PIP: variants seen among roughly 807,000 people sequenced by gnomAD.
The protein encoded by PIP is prolactin-inducible protein.
PIP carries 9 observed loss-of-function variants against 12.8 expected under a neutral mutation model. The ratio of observed to expected loss-of-function variants is 0.70; its 90% CI spans 0.42 to 1.23. PIP has a LOEUF of 1.23. PIP is among the 50% of genes most tolerant of loss of function. PIP has a pLI of 0.00. For synonymous variants in PIP, 60 were observed against 66.1 expected, an observed-to-expected ratio of 0.91 and a Z score of 0.45; for missense variants, 172 against 179.5, an observed-to-expected ratio of 0.96 and a Z score of 0.24.
Position 143,133,567 on chromosome 7 carries a change from T to C in PIP, c.95+1356T>C, listed in dbSNP as rs143291697. ...CTCCTGGCCCCGAACCCAGTCCTCA[T>C]TGACTGAAGAAGAACATTTGACCAT... is the stretch of plus-strand genomic sequence containing the variant. On this transcript the variant is annotated intron_variant, in intron 1 of 3. Transcript: ENST00000291009. Among the ~76,000 whole-genome samples the C allele has an allele frequency of 1.1e-4, 16 of 152,164 alleles. No homozygotes were observed. The East Asian group carries it at 2.9e-3, about 28-fold the overall frequency.
In PIP at chr7:143,134,183, C is replaced by CACATAT. The variant is rs1799274447; in HGVS notation, c.96-1010_96-1009insCATATA. 1.9e-4 allele frequency among the ~76,000 whole-genome samples: 8 copies of CACATAT among 41,664 alleles called. 1 individual carries two copies. The allele number at this position is 41,664 out of a possible 152,430, so 27.3% of individuals were successfully genotyped here. On this transcript the variant is annotated intron_variant, in intron 1 of 3. Transcript: ENST00000291009. ...TTATGGCTGAGTAGTAGTATTCCAT[C>CACATAT]ATATATATATATATATATATATATA...
At chr7:143,139,363 G>A (rs1799344607) in intron 3 of PIP, among the ~76,000 whole-genome samples, 155 bp from the exon 4 acceptor site, 1 of 152,002 alleles carries the variant, frequency 6.6e-6, no homozygotes, top group African/African-American at 2.4e-5. Flanking sequence ...CAGGTTCTAA[G>A]ACAGAGGCAT....
chr7:143,138,198 C>T (rs1188021802), intron 2 of PIP, among the ~76,000 whole-genome samples: 2 of 152,104 alleles, frequency 1.3e-5, no homozygotes, highest in Non-Finnish European at 2.9e-5. Flanking sequence ...ATGTACATAT[C>T]TACTTTTCTC....
At chr7:143,139,327 T>G in intron 3 of PIP, 138 bp downstream of exon 3, 1 of 818,906 alleles carries the variant, frequency 1.2e-6, no homozygotes, top group South Asian at 1.5e-5. Context: ...GGGAAGAGCA[T>G]GGGGAGAGCA....
In PIP at chr7:143,132,095, A is replaced by G. The variant is rs753431469; in HGVS notation, c.-22A>G. 1.9e-6 allele frequency: 3 copies of G among 1,612,562 alleles called. No homozygotes were observed. Among genetic ancestry groups the G allele is most frequent in the East Asian group, 2.2e-5 (1 of 44,874 alleles). On this transcript the variant is annotated 5_prime_UTR_variant, in exon 1 of 4. Coordinates refer to ENST00000291009, the MANE Select transcript of PIP (RefSeq NM_002652.3). ...CTGGGACACCACTTCTCTGGGACAC[A>G]TTGCCTTCTGTTTTCTCCAGCATGC... is the stretch of plus-strand genomic sequence containing the variant.
intron 1 of PIP, 58 bp from the exon 2 acceptor site, chr7:143,135,136 C>T (rs912819239): frequency 3.5e-6 from 3 of 859,724 alleles, no homozygotes; most frequent in East Asian, 2.6e-5. Context: ...ATGGCTCCCC[C>T]CTCACTCAAA....
rs73170677 is a variant in PIP, at chr7:143,138,999, C to T, written c.202-76C>T. On this transcript the variant is annotated intron_variant, in intron 2 of 3. Transcript: ENST00000291009. ...CCCCCACTCTTCTCCTCCGGCTTTT[C>T]CCTCTCCTATTTTTCCCTCCCTTAC... 303 of 799,962 alleles carry T rather than the reference C, an allele frequency of 3.8e-4. 3 individuals carry two copies. The highest frequency in any genetic ancestry group is 9.0e-4 in the Middle Eastern group (4 of 4,454). 49.6% of individuals were successfully genotyped at this position (799,962 alleles called of 1,614,324 possible).
At chr7:143,139,218 A>G (rs775851912) in intron 3 of PIP, 29 bp downstream of exon 3, 1 of 1,235,366 alleles carries the variant, frequency 8.1e-7, no homozygotes, top group Non-Finnish European at 1.2e-6. Flanking sequence ...CAAGGAGGGA[A>G]CTACCCACCA....
intron 2 of PIP, among the ~76,000 whole-genome samples, chr7:143,137,645 A>G (rs1251743925): frequency 1.3e-5 from 2 of 152,098 alleles, no homozygotes; most frequent in East Asian, 1.9e-4. Context: ...TGTGCCTGTA[A>G]TCCCAGCACT....
intron 2 of PIP, among the ~76,000 whole-genome samples, chr7:143,137,215 C>T (rs1367555861): frequency 6.6e-6 from 1 of 151,984 alleles, no homozygotes; most frequent in East Asian, 1.9e-4. Flanking sequence ...CAGGCCATTT[C>T]GTTGGTTTCA....
chr7:143,138,080 A>T lies in PIP; in HGVS notation c.202-995A>T, dbSNP rs1205168058. The stretch of plus-strand genomic sequence containing the variant: ...GCTGAGCAAGCTGCAGGAGGTGGGC[A>T]GAATGGCACTGGGCCTCAGTCGTGA... On this transcript the variant is annotated intron_variant, in intron 2 of 3. Transcript: ENST00000291009. Among the ~76,000 whole-genome samples, 3 of 152,050 alleles carry T rather than the reference A, an allele frequency of 2.0e-5. No individual in the cohort carries two copies. The East Asian group carries it at 5.8e-4, about 29-fold the overall frequency.
intron 2 of PIP, among the ~76,000 whole-genome samples, chr7:143,136,074 C>T (rs1476829871): frequency 6.6e-6 from 1 of 151,952 alleles, no homozygotes; most frequent in Non-Finnish European, 1.5e-5. Flanking sequence ...GAGCATTATC[C>T]CTCCTGTCTA....
chr7:143,133,130 C>T (rs1212153659), intron 1 of PIP, among the ~76,000 whole-genome samples: 1 of 151,962 alleles, frequency 6.6e-6, no homozygotes, highest in Non-Finnish European at 1.5e-5. Flanking sequence ...GCAAGGTATT[C>T]AAATAAGCTA....
intron 2 of PIP, 51 bp downstream of exon 2, chr7:143,135,350 T>C (rs1015757400): frequency 1.3e-6 from 1 of 797,396 alleles, no homozygotes. Flanking sequence ...AACTCCTTGA[T>C]TATAAACATA....
intron 2 of PIP, 147 bp downstream of exon 2, chr7:143,135,446 T>G (rs371392842): frequency 8.8e-5 from 41 of 464,258 alleles, no homozygotes; most frequent in African/African-American, 8.0e-4. Flanking sequence ...AGAACAACTG[T>G]GGGAGCTTGG....
At chr7:143,139,439 G>T (rs983135109) in intron 3 of PIP, 79 bp from the exon 4 acceptor site, 2 of 1,541,014 alleles carry the variant, frequency 1.3e-6, no homozygotes, top group African/African-American at 1.4e-5. Context: ...ACCCCAGGGG[G>T]CAGATGCCTG....
chr7:143,134,546 C>T (rs315281), intron 1 of PIP, among the ~76,000 whole-genome samples: 46,229 of 151,424 alleles, frequency 0.31, 10,238 homozygotes, highest in African/African-American at 0.62. Context: ...TTTTTGATTA[C>T]GGCCATTCTT....
chr7:143,135,363 T>C (rs965637392), intron 2 of PIP, 64 bp downstream of exon 2: 5 of 747,910 alleles, frequency 6.7e-6, no homozygotes, highest in Non-Finnish European at 1.2e-5. Context: ...TAAACATAAT[T>C]TAATCTCTCA....
intron 2 of PIP, among the ~76,000 whole-genome samples, chr7:143,137,298 A>G (rs1302529932): frequency 6.6e-6 from 1 of 152,148 alleles, no homozygotes; most frequent in African/African-American, 2.4e-5. Flanking sequence ...GAGAGAAACT[A>G]CCACATTGAG....
Sources: allele counts gnomAD v4.1 joint callset (sites outside exome capture counted in the v4.1 genomes callset), GRCh38; gene constraint gnomAD v4.1.1; transcripts MANE v1.5; gene names NCBI Gene and HGNC (gene_info 2026-07-23, HGNC 2026-07-21).